The following ADAMTS17 variants were observed in gnomAD, a reference collection of about 807,000 sequenced individuals.
The protein encoded by ADAMTS17 is A disintegrin and metalloproteinase with thrombospondin motifs 17.
Under a neutral mutation model 141.5 loss-of-function variants are expected in ADAMTS17, and 113 were observed. The ratio of observed to expected loss-of-function variants is 0.80; its 90% CI spans 0.69 to 0.93. The LOEUF (loss-of-function observed/expected upper bound fraction) is 0.93. Among genes scored for constraint, ADAMTS17 ranks in the 40% least tolerant of loss-of-function variants. The pLI, the probability that ADAMTS17 is intolerant of heterozygous loss-of-function variation, is 0.00. For missense variants in ADAMTS17, 1,659 were observed against 1,517.9 expected, an observed-to-expected ratio of 1.09 and a Z score of -1.54; for synonymous variants, 768 against 630.6, an observed-to-expected ratio of 1.22 and a Z score of -3.27.
At chr15:100,287,399 A>G (rs2142106132) in intron 3 of ADAMTS17, among the ~76,000 whole-genome samples, 1 of 152,318 alleles carries the variant, frequency 6.6e-6, no homozygotes, top group East Asian at 1.9e-4. Context: ...AAGAGACCAA[A>G]TCGATCAGCC....
chr15:100,062,700 C>G (rs938851383), intron 15 of ADAMTS17, among the ~76,000 whole-genome samples: 2 of 152,190 alleles, frequency 1.3e-5, no homozygotes, highest in African/African-American at 4.8e-5. Flanking sequence ...ATTTTTGAAA[C>G]TAGACAAATC....
rs1386464039 is a variant in ADAMTS17, at chr15:100,280,617, C to T, written c.789+612G>A. ...CAACTTCCACACCCTTATGGCTCCC[C>T]GTTCCCGCCATGTCAAATGACTTGG... On this transcript the variant is annotated intron_variant, in intron 4 of 21. Transcript: ENST00000268070. 4.6e-5 allele frequency among the ~76,000 whole-genome samples: 7 copies of T among 152,168 alleles called. No individual in the cohort carries two copies. The East Asian group carries it at 9.7e-4, about 21-fold the overall frequency.
intron 15 of ADAMTS17, among the ~76,000 whole-genome samples, chr15:100,079,650 T>C (rs1345814437): frequency 6.6e-6 from 1 of 152,120 alleles, no homozygotes; most frequent in African/African-American, 2.4e-5. Context: ...GGCAAGTTGA[T>C]TATATTGTAC....
intron 15 of ADAMTS17, among the ~76,000 whole-genome samples, chr15:100,087,620 C>T (rs2035192834): frequency 6.6e-6 from 1 of 152,156 alleles, no homozygotes; most frequent in African/African-American, 2.4e-5. Context: ...TCCAGCAGCA[C>T]ATCAAAAAGC....
At chr15:100,050,394 C>T (rs994462297) in intron 17 of ADAMTS17, among the ~76,000 whole-genome samples, 1 of 152,142 alleles carries the variant, frequency 6.6e-6, no homozygotes, top group Non-Finnish European at 1.5e-5. Context: ...AGGCCATCGG[C>T]ACAAGCGGCA....
chr15:100,218,415 G>C (rs2042033655), intron 7 of ADAMTS17, among the ~76,000 whole-genome samples: 1 of 152,078 alleles, frequency 6.6e-6, no homozygotes, highest in African/African-American at 2.4e-5. Context: ...TTTTTGAATG[G>C]GCAAATGATC....
Position 100,155,464 on chromosome 15 carries a change from C to T in ADAMTS17, c.1182-144G>A. 2.6e-6 allele frequency: 3 copies of T among 1,141,696 alleles called. No homozygotes were observed. The South Asian group carries it at 4.0e-5, about 15-fold the overall frequency. The allele number at this position is 1,141,696 out of a possible 1,614,324, so 70.7% of individuals were successfully genotyped here. On this transcript the variant is annotated intron_variant, in intron 8 of 21. Coordinates refer to ENST00000268070, the MANE Select transcript of ADAMTS17 (RefSeq NM_139057.4). Reference sequence around the variant, plus strand: ...GAAAGTGGTTCTCACACAGCAGACCCACAGTCATGTGTTTTCACAGAAATA... The same window carrying T: ...GAAAGTGGTTCTCACACAGCAGACCTACAGTCATGTGTTTTCACAGAAATA...
At chr15:100,317,211 A>G (rs1424855905) in intron 3 of ADAMTS17, among the ~76,000 whole-genome samples, 1 of 152,190 alleles carries the variant, frequency 6.6e-6, no homozygotes, top group Admixed American at 6.5e-5. Context: ...ATAAAGACAT[A>G]GTTCATATCA....
intron 7 of ADAMTS17, among the ~76,000 whole-genome samples, chr15:100,200,647 G>A (rs551579501): frequency 6.6e-6 from 1 of 152,322 alleles, no homozygotes; most frequent in South Asian, 2.1e-4. Context: ...GTGCTCCCCT[G>A]GCTGTGCAGT....
chr15:100,075,731 T>G (rs1016740827), intron 15 of ADAMTS17, among the ~76,000 whole-genome samples: 3 of 152,212 alleles, frequency 2.0e-5, no homozygotes, highest in Non-Finnish European at 4.4e-5. Context: ...GGGGGGGATA[T>G]CAAAGTATAT....
intron 7 of ADAMTS17, among the ~76,000 whole-genome samples, chr15:100,233,688 G>A (rs1217173843): frequency 6.6e-6 from 1 of 152,166 alleles, no homozygotes; most frequent in African/African-American, 2.4e-5. Context: ...AAATGGAGAG[G>A]CCGCTTCTGT....
At chr15:100,308,521 C>G (rs965115100) in intron 3 of ADAMTS17, among the ~76,000 whole-genome samples, 3 of 152,094 alleles carry the variant, frequency 2.0e-5, no homozygotes, top group East Asian at 3.8e-4. Context: ...CCTTTTTTTG[C>G]TATTGCTAAA....
chr15:100,198,368 C>T (rs896133650), intron 8 of ADAMTS17, among the ~76,000 whole-genome samples: 92 of 152,168 alleles, frequency 6.0e-4, no homozygotes, highest in Admixed American at 6.0e-3. Context: ...TATACTCCTT[C>T]TTAAACACTG....
intron 15 of ADAMTS17, among the ~76,000 whole-genome samples, chr15:100,079,741 C>T (rs144658575): frequency 5.9e-5 from 9 of 152,254 alleles, no homozygotes; most frequent in South Asian, 2.1e-4. Flanking sequence ...CTATCCTGCA[C>T]GAAATGCTTC....
intron 7 of ADAMTS17, among the ~76,000 whole-genome samples, chr15:100,218,110 T>A (rs2042025117): frequency 6.6e-6 from 1 of 152,124 alleles, no homozygotes; most frequent in Admixed American, 6.5e-5. Flanking sequence ...TGGGCTCAAG[T>A]GATCTGCCCA....
At chr15:100,295,918 A>G (rs1250668292) in intron 3 of ADAMTS17, among the ~76,000 whole-genome samples, 3 of 152,186 alleles carry the variant, frequency 2.0e-5, no homozygotes, top group East Asian at 1.9e-4. Flanking sequence ...GATATTGAAT[A>G]TGTACTTCCA....
intron 20 of ADAMTS17, among the ~76,000 whole-genome samples, chr15:99,977,364 AT>A (rs1567631943): frequency 0.028 from 206 of 7,410 alleles, 15 homozygotes; most frequent in African/African-American, 0.14. Context: ...ATATATATAT[AT>A]ATATATATAT....
Position 99,976,416 on chromosome 15 carries a change from G to T in ADAMTS17, c.2950-194C>A, listed in dbSNP as rs1374290251. 6.8e-6 allele frequency: 5 copies of T among 733,264 alleles called. No individual in the cohort carries two copies. In the East Asian group the frequency reaches 1.3e-4, roughly 20 times the overall value. 45.4% of individuals were successfully genotyped at this position (733,264 alleles called of 1,614,324 possible). A position where few individuals can be genotyped will look rare whatever the true frequency, so the allele number is the denominator to read the frequency against. ...TGAGTGGGGCCTACACGAGGTCAGG[G>T]GGCTGGGACGATGGCCTCACAATGT... On this transcript the variant is annotated intron_variant, in intron 20 of 21. Coordinates refer to ENST00000268070, the MANE Select transcript of ADAMTS17 (RefSeq NM_139057.4).
At chr15:100,109,141 G>A (rs117004463) in intron 13 of ADAMTS17, 25 bp from the exon 14 acceptor site, 41 of 1,592,272 alleles carry the variant, frequency 2.6e-5, no homozygotes, top group East Asian at 1.1e-4. Context: ...GTTGGAGGAC[G>A]TTGACACGGG....
Sources: allele counts gnomAD v4.1 joint callset (sites outside exome capture counted in the v4.1 genomes callset), GRCh38; gene constraint gnomAD v4.1.1; transcripts MANE v1.5; gene names NCBI Gene and HGNC (gene_info 2026-07-23, HGNC 2026-07-21).